Variants in CARHSP1 observed in about 807,000 individuals in gnomAD.
CARHSP1 encodes calcium-regulated heat-stable protein 1.
In CARHSP1, 14 loss-of-function variants were observed where a neutral mutation model predicts 12.5. That is an observed-to-expected ratio of 1.12 (90% CI 0.74 to 1.75). The LOEUF (loss-of-function observed/expected upper bound fraction) is 1.75. Among genes scored for constraint, CARHSP1 ranks in the 40% most tolerant of loss-of-function variants. The pLI is 0.00. For synonymous variants in CARHSP1, 161 were observed against 82.0 expected (o/e 1.96, Z -5.20); for missense variants, 343 against 201.6 (o/e 1.70, Z -4.25).
chr16:8,861,044 C>A (rs764500517), intron 1 of CARHSP1, among the ~76,000 whole-genome samples: 4 of 105,748 alleles, frequency 3.8e-5, no homozygotes, highest in African/African-American at 1.2e-4. Flanking sequence ...AGTGAGACTC[C>A]GTCTCAAAAA....
chr16:8,860,022 A>G (rs769600632), intron 1 of CARHSP1: 19 of 413,682 alleles, frequency 4.6e-5, no homozygotes, highest in African/African-American at 8.6e-5. Context: ...CCAACCACCT[A>G]GATCCAAACT....
At chr16:8,858,792 G>A (rs547361648) in intron 2 of CARHSP1, 11 of 421,160 alleles carry the variant, frequency 2.6e-5, no homozygotes, top group Middle Eastern at 6.1e-4. Context: ...TCCTCCACTC[G>A]CAAGGCCTGA....
intron 1 of CARHSP1, among the ~76,000 whole-genome samples, chr16:8,861,482 C>A (rs1025160138): frequency 6.6e-6 from 1 of 152,068 alleles, no homozygotes; most frequent in Non-Finnish European, 1.5e-5. Context: ...ACCGCACCCC[C>A]CGAACCGCCT....
At chr16:8,862,461 G>A (rs2141118481) in intron 1 of CARHSP1, among the ~76,000 whole-genome samples, 1 of 152,230 alleles carries the variant, frequency 6.6e-6, no homozygotes, top group East Asian at 1.9e-4. Context: ...AGGCCCCAGA[G>A]ACAAAGGGCT....
rs919260510 is a variant in CARHSP1 at position 8,854,127 on chromosome 16, CAG to C, written c.*1035_*1036del. On this transcript the variant is annotated 3_prime_UTR_variant, in exon 4 of 4. Coordinates refer to ENST00000311052, the MANE Select transcript of CARHSP1 (RefSeq NM_014316.4). Reference sequence around the variant, plus strand: ...TGCAATGTCGGCAGCAAAGTGCAAACAGAGCCGGCTCTGGGTGAAAGCTTTAG... The same window carrying C: ...TGCAATGTCGGCAGCAAAGTGCAAACAGCCGGCTCTGGGTGAAAGCTTTAG... 1 of 151,738 alleles carries C rather than the reference CAG, an allele frequency of 6.6e-6. No homozygotes were observed. The highest frequency in any genetic ancestry group is 6.6e-5 in the Admixed American group (1 of 15,224). The allele number at this position is 151,738 out of a possible 1,614,324, so 9.4% of individuals were successfully genotyped here.
intron 1 of CARHSP1, chr16:8,859,989 C>T (rs1677485): frequency 0.061 from 15,338 of 249,674 alleles, 714 homozygotes; most frequent in Admixed American, 0.2. Flanking sequence ...AAAAGAAAAC[C>T]CAAAGCCAGG....
intron 1 of CARHSP1, among the ~76,000 whole-genome samples, chr16:8,865,525 G>C (rs551247592): frequency 6.6e-6 from 1 of 152,340 alleles, no homozygotes; most frequent in East Asian, 1.9e-4. Context: ...ACCTCTCCAA[G>C]CCTGCTCTGC....
chr16:8,861,770 C>A (rs1657075), intron 1 of CARHSP1: 66,578 of 1,275,948 alleles, frequency 0.052, 2,617 homozygotes, highest in Admixed American at 0.23. Flanking sequence ...GGGCCAGGGC[C>A]CCCGCATGAC....
rs897629220 is a variant in CARHSP1 at position 8,856,173 on chromosome 16, T to C, written c.282-847A>G. ...GCTAGTTCCTGGAGGGGCCTCTCCC[T>C]GTGACCACCCCCAGGAAGGTTCCCT... On this transcript the variant is annotated intron_variant, in intron 3 of 3. Coordinates refer to ENST00000311052, the MANE Select transcript of CARHSP1 (RefSeq NM_014316.4). Among the ~76,000 whole-genome samples the C allele has an allele frequency of 7.9e-5, 12 of 152,308 alleles. No homozygotes were observed. The East Asian group carries it at 1.5e-3, about 20-fold the overall frequency.
chr16:8,853,432 G>T lies in CARHSP1; in HGVS notation c.*1732C>A, dbSNP rs190182521. ...TCGCAGGCGAGGAAACAATGGCCAG[G>T]ACCTAACTGTGGTGGGAACTGCCTT... On this transcript the variant is annotated 3_prime_UTR_variant, in exon 4 of 4. Coordinates refer to ENST00000311052, the MANE Select transcript of CARHSP1 (RefSeq NM_014316.4). 6.6e-6 allele frequency: 1 copy of T among 152,080 alleles called. No homozygotes were observed. The highest frequency in any genetic ancestry group is 1.5e-5 in the Non-Finnish European group (1 of 68,056). The allele number at this position is 152,080 out of a possible 1,614,324, so 9.4% of individuals were successfully genotyped here.
In CARHSP1 at chr16:8,859,298, G is replaced by A. The variant is rs2061264898; in HGVS notation, c.31C>T (p.Pro11Ser). Residue 11 changes from proline to serine, a missense_variant, in exon 2 of 4, where the codon CCC becomes TCC. Physicochemically the swap from Pro to Ser is moderately conservative, Grantham distance 74. Coordinates refer to ENST00000311052, the MANE Select transcript of CARHSP1 (RefSeq NM_014316.4). MSSEPPPPPQ[P>S]PTHQASVGLL... ...CCGACTGAAGCTTGATGGGTGGGGG[G>A]CTGTGGTGGTGGGGGAGGCTCAGAT... The A allele has an allele frequency of 3.7e-6, 6 of 1,602,930 alleles. No individual in the cohort carries two copies. The highest frequency in any genetic ancestry group is 3.4e-5 in the Admixed American group (2 of 58,704).
chr16:8,857,263 G>GTTTTTTTTTTTTTTTTTTTTTTTT lies in CARHSP1; in HGVS notation c.281+1063_281+1086dup, dbSNP rs756390920. On this transcript the variant is annotated intron_variant, in intron 3 of 3. Coordinates refer to ENST00000311052, the MANE Select transcript of CARHSP1 (RefSeq NM_014316.4). Reference sequence around the variant, plus strand: ...TGGCTATGTGATCTTGGGCAGATCTGTTTTTTTTTTTTTTTTTTTTTTTTT... The same window carrying GTTTTTTTTTTTTTTTTTTTTTTTT: ...TGGCTATGTGATCTTGGGCAGATCTGTTTTTTTTTTTTTTTTTTTTTTTTTTTTTTTTTTTTTTTTTTTTTTTTT... Among the ~76,000 whole-genome samples, 5 of 57,036 alleles carry GTTTTTTTTTTTTTTTTTTTTTTTT rather than the reference G, an allele frequency of 8.8e-5. 1 individual carries two copies. The highest frequency in any genetic ancestry group is 1.7e-4 in the Admixed American group (1 of 5,976). The allele number at this position is 57,036 out of a possible 152,430, so 37.4% of individuals were successfully genotyped here.
chr16:8,855,538 C>G lies in CARHSP1; in HGVS notation c.282-212G>C, dbSNP rs189517672. Among the ~76,000 whole-genome samples the G allele has an allele frequency of 1.9e-3, 292 of 152,324 alleles. 2 individuals are homozygous for G. The highest frequency in any genetic ancestry group is 6.7e-3 in the African/African-American group (279 of 41,572). On this transcript the variant is annotated intron_variant, in intron 3 of 3. Coordinates refer to ENST00000311052, the MANE Select transcript of CARHSP1 (RefSeq NM_014316.4). ...CTAGGCAAGGAGGCCCTGGCCCAAT[C>G]AGCTCCTTCCCTGGGACTTTTGATG...
At chr16:8,862,163 C>T (rs573898197) in intron 1 of CARHSP1, among the ~76,000 whole-genome samples, 14 of 151,894 alleles carry the variant, frequency 9.2e-5, no homozygotes, top group Non-Finnish European at 1.6e-4. Flanking sequence ...CCATCACGCC[C>T]GGCTAATGAA....
chr16:8,861,880 A>C, intron 1 of CARHSP1: 2 of 1,106,178 alleles, frequency 1.8e-6, no homozygotes, highest in South Asian at 1.6e-5. Flanking sequence ...GCCTCCCAGG[A>C]CAGCAGATGG....
chr16:8,866,251 G>C (rs1200238368), intron 1 of CARHSP1, among the ~76,000 whole-genome samples: 1 of 152,332 alleles, frequency 6.6e-6, no homozygotes, highest in African/African-American at 2.4e-5. Context: ...TCCTGGCCAA[G>C]ATTCTACATT....
At chr16:8,862,994 G>A (rs1046950399) in intron 1 of CARHSP1, among the ~76,000 whole-genome samples, 2 of 152,022 alleles carry the variant, frequency 1.3e-5, no homozygotes, top group African/African-American at 4.8e-5. Context: ...GAAGCTCATG[G>A]CCTGTAGGGG....
At chr16:8,863,137 T>TTTTTTTTTTTC (rs1555457603) in intron 1 of CARHSP1, among the ~76,000 whole-genome samples, 2 of 126,368 alleles carry the variant, frequency 1.6e-5, no homozygotes, top group African/African-American at 6.3e-5. Flanking sequence ...TTTTTTTTTT[T>TTTTTTTTTTTC]CAGATAGGAT....
At chr16:8,862,802 C>A (rs780354456) in intron 1 of CARHSP1, among the ~76,000 whole-genome samples, 5 of 152,166 alleles carry the variant, frequency 3.3e-5, no homozygotes, top group Non-Finnish European at 5.9e-5. Flanking sequence ...GCTCAGGAAT[C>A]ATGCCGCGTC....
Sources: gnomAD v4.1 joint callset for allele counts (sites outside exome capture counted in the v4.1 genomes callset) on GRCh38, gnomAD v4.1.1 for gene constraint, MANE v1.5 for transcripts, NCBI Gene and HGNC (gene_info 2026-07-23, HGNC 2026-07-21) for gene names.